Variants in VPS35 observed in about 807,000 individuals in gnomAD.
The protein encoded by VPS35 is vacuolar protein sorting-associated protein 35.
In VPS35, 21 loss-of-function variants were observed where a neutral mutation model predicts 98.1. The ratio of observed to expected loss-of-function variants is 0.21; its 90% CI spans 0.15 to 0.31. VPS35 has a LOEUF of 0.31. Ranked by LOEUF, VPS35 falls within the 10% of genes least tolerant of loss-of-function variation. The pLI, the probability that VPS35 is intolerant of heterozygous loss-of-function variation, is 1.00. For synonymous variants in VPS35, 268 were observed against 318.2 expected, an observed-to-expected ratio of 0.84 and a Z score of 1.68; for missense variants, 554 against 950.8, an observed-to-expected ratio of 0.58 and a Z score of 5.49.
Position 46,672,260 on chromosome 16 carries a change from C to G in VPS35, c.1368+5G>C. 6.2e-7 allele frequency: 1 copy of G among 1,612,584 alleles called. No individual in the cohort carries two copies. Among genetic ancestry groups the G allele is most frequent in the South Asian group, 1.1e-5 (1 of 91,026 alleles). ...CCCTAAAATAGCACGTAGGTATTCTCTTACCTGGTCTTGAGAGACAATTTC... is the reference window on the plus strand; with the variant it reads ...CCCTAAAATAGCACGTAGGTATTCTGTTACCTGGTCTTGAGAGACAATTTC... On this transcript the variant is annotated splice_donor_5th_base_variant and intron_variant, in intron 11 of 16. Transcript: ENST00000299138.
At chr16:46,685,707 T>C (rs547963857) in intron 1 of VPS35, among the ~76,000 whole-genome samples, 6 of 152,180 alleles carry the variant, frequency 3.9e-5, no homozygotes, top group African/African-American at 1.2e-4. Context: ...CTCTGAACTT[T>C]AGTGAAACCA....
In VPS35 at chr16:46,661,620, T is replaced by G; in HGVS notation, c.2211+98A>C. The G allele has an allele frequency of 9.0e-7, 1 of 1,113,458 alleles. No individual in the cohort carries two copies. The highest frequency in any genetic ancestry group is 1.3e-6 in the Non-Finnish European group (1 of 749,836). 69.0% of individuals were successfully genotyped at this position (1,113,458 alleles called of 1,614,324 possible). A position where few individuals can be genotyped will look rare whatever the true frequency, so the allele number is the denominator to read the frequency against. ...TTACATTTTTCAAATGAACAGTGAT[T>G]AAAGTATCAGAATGATAAACTTTTG... On this transcript the variant is annotated intron_variant, in intron 16 of 16. Coordinates refer to ENST00000299138, the MANE Select transcript of VPS35 (RefSeq NM_018206.6). The surrounding 1 kb of genome is among the most constrained non-coding windows in gnomAD (Gnocchi z 4.3).
At chr16:46,686,750 G>A (rs1195177938) in intron 1 of VPS35, among the ~76,000 whole-genome samples, 1 of 152,174 alleles carries the variant, frequency 6.6e-6, no homozygotes, top group African/African-American at 2.4e-5. Context: ...AATCATGAAA[G>A]TGGTTTTCCA....
intron 6 of VPS35, 102 bp from the exon 7 acceptor site, chr16:46,677,500 G>C (rs1363298734): frequency 4.1e-6 from 4 of 986,804 alleles, no homozygotes; most frequent in South Asian, 1.3e-5. Flanking sequence ...AATCGTATTT[G>C]AGATTTTTCT....
intron 1 of VPS35, among the ~76,000 whole-genome samples, chr16:46,686,158 A>T (rs1966309757): frequency 1.3e-5 from 2 of 152,114 alleles, no homozygotes; most frequent in South Asian, 4.1e-4. Flanking sequence ...TGTCTCGCTT[A>T]TTTCACTGAC....
In VPS35 at chr16:46,683,058, A is replaced by C. The variant is rs1159773921; in HGVS notation, c.102+450T>G. ...ATATATCTATTCAGCAAAGAAATTA[A>C]AGTTTTCAAGATATTTAGAAAAAAA... On this transcript the variant is annotated intron_variant, in intron 2 of 16. Coordinates refer to ENST00000299138, the MANE Select transcript of VPS35 (RefSeq NM_018206.6). The C allele has an allele frequency of 3.0e-5, 5 of 168,676 alleles. No homozygotes were observed. The Middle Eastern group carries it at 9.0e-3, about 303-fold the overall frequency. 10.4% of individuals were successfully genotyped at this position (168,676 alleles called of 1,614,324 possible).
rs1398722917 is a variant in VPS35, at chr16:46,677,398, T to C, written c.721A>G (p.Ile241Val). The change falls in exon 7 of 17, where the codon ATT becomes GTT. Residue 241 changes from isoleucine (I) to valine (V), a missense_variant and splice_region_variant. Physicochemically the swap from Ile to Val is conservative, Grantham distance 29. Transcript: ENST00000299138. ...TGCTCCAATATGCCAGTCAAAACAA[T>C]CTAAAAGAGAAAAAACACACATAAG... ...EGVNVERYKQ[I>V]VLTGILEQVV... 9 of 1,613,464 alleles carry C rather than the reference T, an allele frequency of 5.6e-6. No homozygotes were observed. Among genetic ancestry groups the C allele is most frequent in the South Asian group, 1.1e-5 (1 of 91,070 alleles).
intron 13 of VPS35, 30 bp from the exon 14 acceptor site, chr16:46,663,192 C>T: frequency 6.3e-7 from 1 of 1,590,224 alleles, no homozygotes; most frequent in Non-Finnish European, 8.6e-7. Flanking sequence ...TTTAAGTTAC[C>T]TTAAATTCAA....
chr16:46,675,382 C>T (rs1379276052), intron 8 of VPS35, among the ~76,000 whole-genome samples: 4 of 152,150 alleles, frequency 2.6e-5, no homozygotes, highest in Non-Finnish European at 1.5e-5. Flanking sequence ...ACTTTTATTT[C>T]CCACATCTTA....
intron 13 of VPS35, among the ~76,000 whole-genome samples, chr16:46,667,478 C>T (rs540713990): frequency 1.6e-4 from 24 of 152,058 alleles, no homozygotes; most frequent in Non-Finnish European, 2.2e-4. Context: ...CTTATTTTTG[C>T]TTATTTTTTG....
intron 13 of VPS35, 144 bp downstream of exon 13, chr16:46,668,782 CAAAT>C (rs1474281978): frequency 1.5e-5 from 17 of 1,116,290 alleles, no homozygotes; most frequent in Admixed American, 2.4e-5. Flanking sequence ...GGATAAGTAA[CAAAT>C]AGAGAGTTGG....
At chr16:46,668,733 T>G (rs1342134383) in intron 13 of VPS35, among the ~76,000 whole-genome samples, 197 bp downstream of exon 13, 1 of 152,224 alleles carries the variant, frequency 6.6e-6, no homozygotes, top group African/African-American at 2.4e-5. Flanking sequence ...TCCCTCAGTA[T>G]GTGATCCACC....
At chr16:46,674,483 C>T (rs759041343) in intron 9 of VPS35, 21 bp from the exon 10 acceptor site, 8 of 1,609,490 alleles carry the variant, frequency 5.0e-6, no homozygotes, top group Non-Finnish European at 5.1e-6. Flanking sequence ...TAGAAAACCA[C>T]ACAATTTATT....
In VPS35 at chr16:46,657,551, G is replaced by A. The variant is rs1567465609; in HGVS notation, c.*2921C>T. On this transcript the variant is annotated 3_prime_UTR_variant, in exon 17 of 17. Coordinates refer to ENST00000299138, the MANE Select transcript of VPS35 (RefSeq NM_018206.6). ...ACAAGTGCTCATCATTCTCCTTCTA[G>A]GTGCTCTGGTGCCTGATCAACTCAA... 6.6e-6 allele frequency: 1 copy of A among 152,140 alleles called. No individual in the cohort carries two copies. The highest frequency in any genetic ancestry group is 1.5e-5 in the Non-Finnish European group (1 of 68,054). 9.4% of individuals were successfully genotyped at this position (152,140 alleles called of 1,614,324 possible).
At chr16:46,672,632 G>A (rs1339424093) in intron 10 of VPS35, among the ~76,000 whole-genome samples, 160 bp from the exon 11 acceptor site, 1 of 152,156 alleles carries the variant, frequency 6.6e-6, no homozygotes, top group African/African-American at 2.4e-5. Context: ...CTCCTTTCAG[G>A]AGGATAAAAA....
Position 46,660,617 on chromosome 16 carries a change from T to C in VPS35, c.2246A>G (p.Lys749Arg). 6.2e-7 allele frequency: 1 copy of C among 1,614,098 alleles called. No homozygotes were observed. Among genetic ancestry groups the C allele is most frequent in the Non-Finnish European group, 8.5e-7 (1 of 1,180,012 alleles). ...TIQVLNQLIQ[K>R]IREDLPNLES... Reference sequence around the variant, plus strand: ...AAGATTCGGGAGGTCTTCTCGAATCTTTTGGATAAGCTGGTTTAAAACCTG... The same window carrying C: ...AAGATTCGGGAGGTCTTCTCGAATCCTTTGGATAAGCTGGTTTAAAACCTG... The change falls in exon 17 of 17, where the codon AAG becomes AGG. Residue 749 changes from lysine to arginine, a missense_variant. Lys to Arg is a conservative substitution (Grantham distance 26). This residue lies in a region of VPS35 where 153 missense variants were observed against 211.0 expected (regional missense o/e 0.73). Coordinates refer to ENST00000299138, the MANE Select transcript of VPS35 (RefSeq NM_018206.6).
In VPS35 at chr16:46,672,403, G is replaced by T; in HGVS notation, c.1230C>A (p.Asn410Lys). Residue 410 changes from asparagine (N) to lysine (K), a missense_variant, in exon 11 of 17, where the codon AAC becomes AAA. Coordinates refer to ENST00000299138, the MANE Select transcript of VPS35 (RefSeq NM_018206.6). ...TTAATTTCAAGACTGTTAAAATATTGTTGTAAGTGTCAACTGGTATTTTCA... is the reference window on the plus strand; with the variant it reads ...TTAATTTCAAGACTGTTAAAATATTTTTGTAAGTGTCAACTGGTATTTTCA... Reference protein sequence around the residue: ...RLLKIPVDTYNNILTVLKLKH... With the variant: ...RLLKIPVDTYKNILTVLKLKH... 1 of 1,613,686 alleles carries T rather than the reference G, an allele frequency of 6.2e-7. No individual in the cohort carries two copies. Among genetic ancestry groups the T allele is most frequent in the East Asian group, 2.2e-5 (1 of 44,794 alleles).
intron 6 of VPS35, among the ~76,000 whole-genome samples, chr16:46,678,248 G>A (rs1338787566): frequency 6.9e-6 from 1 of 145,440 alleles, no homozygotes; most frequent in East Asian, 2.0e-4. Context: ...CTTTTGGCTT[G>A]AAGAAGAATT....
At chr16:46,681,030 T>TAC (rs1491326650) in intron 4 of VPS35, among the ~76,000 whole-genome samples, 177 bp from the exon 5 acceptor site, 8 of 70,490 alleles carry the variant, frequency 1.1e-4, no homozygotes, top group East Asian at 4.6e-4. Context: ...CTAAAAAAAC[T>TAC]ATACACACAC....
Sources: gnomAD v4.1 joint callset for allele counts (sites outside exome capture counted in the v4.1 genomes callset) on GRCh38, gnomAD v4.1.1 for gene constraint, gnomAD v4.1.1 regional missense constraint, Gnocchi (gnomAD v3.1) non-coding constraint, MANE v1.5 for transcripts, NCBI Gene and HGNC (gene_info 2026-07-23, HGNC 2026-07-21) for gene names.